Variants in SMLR1 observed in about 807,000 individuals in gnomAD.
The protein encoded by SMLR1 is small leucine-rich protein 1.
SMLR1 carries 3 observed loss-of-function variants against 6.1 expected under a neutral mutation model. The ratio of observed to expected loss-of-function variants is 0.49; its 90% CI spans 0.22 to 1.28. SMLR1 has a LOEUF of 1.28. Among genes scored for constraint, SMLR1 ranks in the 50% most tolerant of loss-of-function variants. SMLR1 has a pLI of 0.19. For missense variants in SMLR1, 126 were observed against 124.8 expected (o/e 1.01, Z -0.05); for synonymous variants, 55 against 53.6 (o/e 1.03, Z -0.11).
rs1295903834 is a variant in SMLR1 at position 130,835,208 on chromosome 6, T to C, written c.*253T>C. On this transcript the variant is annotated 3_prime_UTR_variant, in exon 2 of 2. Transcript: ENST00000541421. ...TCCTGGGTATATACACTGGACACAT[T>C]GTAACTTTTTAACTTTTATTGTGAC... 1 of 389,484 alleles carries C rather than the reference T, an allele frequency of 2.6e-6. No individual in the cohort carries two copies. The highest frequency in any genetic ancestry group is 4.7e-6 in the Non-Finnish European group (1 of 212,692). 24.1% of individuals were successfully genotyped at this position (389,484 alleles called of 1,614,324 possible).
rs1299682754 is a variant in SMLR1, at chr6:130,835,498, C to T, written c.*543C>T. ...ACCTGACTTTGCTTCTCTCCTTTTC[C>T]TGATTGCTTTCACAAATCATTATTG... On this transcript the variant is annotated 3_prime_UTR_variant, in exon 2 of 2. Coordinates refer to ENST00000541421, the MANE Select transcript of SMLR1 (RefSeq NM_001195597.2). The T allele has an allele frequency of 1.3e-5, 2 of 152,544 alleles. No homozygotes were observed. The highest frequency in any genetic ancestry group is 1.5e-5 in the Non-Finnish European group (1 of 68,330). 9.4% of individuals were successfully genotyped at this position (152,544 alleles called of 1,614,324 possible). A position where few individuals can be genotyped will look rare whatever the true frequency, so the allele number is the denominator to read the frequency against.
chr6:130,830,890 G>GC (rs1033639007), intron 1 of SMLR1, among the ~76,000 whole-genome samples: 14 of 152,016 alleles, frequency 9.2e-5, no homozygotes, highest in South Asian at 6.2e-4. Context: ...ATAAATAACC[G>GC]CCCCCCCGCG....
chr6:130,828,380 T>C (rs1248522612), intron 1 of SMLR1, among the ~76,000 whole-genome samples: 3 of 152,180 alleles, frequency 2.0e-5, no homozygotes, highest in Non-Finnish European at 4.4e-5. Flanking sequence ...ACACATGAGA[T>C]TAATATCATC....
Position 130,827,720 on chromosome 6 carries a change from T to A in SMLR1, c.238+69T>A, listed in dbSNP as rs1297462308. The A allele has an allele frequency of 8.6e-6, 10 of 1,165,038 alleles. No individual in the cohort carries two copies. In the East Asian group the frequency reaches 2.3e-4, roughly 27 times the overall value. 72.2% of individuals were successfully genotyped at this position (1,165,038 alleles called of 1,614,324 possible). On this transcript the variant is annotated intron_variant, in intron 1 of 1. Transcript: ENST00000541421. ...CACAGCACATCTTGAAATATACCGA[T>A]GCACTGTCAGTGTTTTCTGGCCAGG...
At chr6:130,834,655 G>A (rs976123158) in intron 1 of SMLR1, among the ~76,000 whole-genome samples, 1 of 152,096 alleles carries the variant, frequency 6.6e-6, no homozygotes, top group African/African-American at 2.4e-5. Flanking sequence ...GCTCTAACCA[G>A]GGCCATTCTT....
At chr6:130,831,865 T>C (rs1225724542) in intron 1 of SMLR1, among the ~76,000 whole-genome samples, 2 of 152,216 alleles carry the variant, frequency 1.3e-5, no homozygotes, top group African/African-American at 2.4e-5. Context: ...ATGGAAAGCA[T>C]GTGGAGGTAT....
In SMLR1 at chr6:130,835,729, C is replaced by A. The variant is rs146997363; in HGVS notation, c.*774C>A. The A allele has an allele frequency of 1.3e-5, 2 of 152,082 alleles. No individual in the cohort carries two copies. Among genetic ancestry groups the A allele is most frequent in the Admixed American group, 1.3e-4 (2 of 15,264 alleles). The allele number at this position is 152,082 out of a possible 1,614,324, so 9.4% of individuals were successfully genotyped here. The stretch of plus-strand genomic sequence containing the variant: ...ATACAGGGAGCTATATCTAACTATG[C>A]GGATAAGTCAACATTTCACTACAGT... On this transcript the variant is annotated 3_prime_UTR_variant, in exon 2 of 2. Coordinates refer to ENST00000541421, the MANE Select transcript of SMLR1 (RefSeq NM_001195597.2).
Position 130,836,713 on chromosome 6 carries a change from T to A in SMLR1, c.*1758T>A, listed in dbSNP as rs1233296151. The A allele has an allele frequency of 2.0e-5, 3 of 152,176 alleles. No individual in the cohort carries two copies. The highest frequency in any genetic ancestry group is 4.4e-5 in the Non-Finnish European group (3 of 68,028). The allele number at this position is 152,176 out of a possible 1,614,324, so 9.4% of individuals were successfully genotyped here. A position where few individuals can be genotyped will look rare whatever the true frequency, so the allele number is the denominator to read the frequency against. On this transcript the variant is annotated 3_prime_UTR_variant, in exon 2 of 2. Transcript: ENST00000541421. ...GGGCAGAAACATGTTCATTTTCCCA[T>A]GAAGGAACAAGTCCCAAGGGTTTAT... is the stretch of plus-strand genomic sequence containing the variant.
intron 1 of SMLR1, among the ~76,000 whole-genome samples, chr6:130,832,621 TAAG>T (rs1361420398): frequency 6.6e-6 from 1 of 152,246 alleles, no homozygotes; most frequent in African/African-American, 2.4e-5. Context: ...TTGAGAATTC[TAAG>T]AAGGCACTGT....
chr6:130,833,019 A>T (rs1175574637), intron 1 of SMLR1, among the ~76,000 whole-genome samples: 1 of 152,190 alleles, frequency 6.6e-6, no homozygotes, highest in African/African-American at 2.4e-5. Flanking sequence ...CTGGGAACTA[A>T]CAGGGCACAC....
At chr6:130,827,721 G>GC in intron 1 of SMLR1, 70 bp downstream of exon 1, 1 of 1,156,964 alleles carries the variant, frequency 8.6e-7, no homozygotes, top group East Asian at 2.6e-5. Flanking sequence ...ATATACCGAT[G>GC]CACTGTCAGT....
chr6:130,830,917 G>T (rs935741321), intron 1 of SMLR1, among the ~76,000 whole-genome samples: 1 of 151,978 alleles, frequency 6.6e-6, no homozygotes, highest in Non-Finnish European at 1.5e-5. Flanking sequence ...ATATAATCAA[G>T]AACTAACCAT....
rs1774634555 is a variant in SMLR1 at position 130,835,726 on chromosome 6, A to G, written c.*771A>G. The G allele has an allele frequency of 6.6e-6, 1 of 152,194 alleles. No individual in the cohort carries two copies. The highest frequency in any genetic ancestry group is 6.6e-5 in the Admixed American group (1 of 15,266). The allele number at this position is 152,194 out of a possible 1,614,324, so 9.4% of individuals were successfully genotyped here. ...AAAATACAGGGAGCTATATCTAACT[A>G]TGCGGATAAGTCAACATTTCACTAC... is the stretch of plus-strand genomic sequence containing the variant. On this transcript the variant is annotated 3_prime_UTR_variant, in exon 2 of 2. Transcript: ENST00000541421.
intron 1 of SMLR1, among the ~76,000 whole-genome samples, chr6:130,828,145 T>C (rs1774336753): frequency 6.6e-6 from 1 of 152,202 alleles, no homozygotes; most frequent in Admixed American, 6.5e-5. Context: ...ACAGTCTTTG[T>C]AAATGTAAAG....
At position 130,827,505 on chromosome 6, in the gene SMLR1, TGG is replaced by T; in HGVS notation, c.95_96del (p.Gly32ValfsTer47). 1 of 1,535,842 alleles carries T rather than the reference TGG, an allele frequency of 6.5e-7. No individual in the cohort carries two copies. Among genetic ancestry groups the T allele is most frequent in the Non-Finnish European group, 8.7e-7 (1 of 1,146,808 alleles). On this transcript the variant is annotated frameshift_variant, in exon 1 of 2. Coordinates refer to ENST00000541421, the MANE Select transcript of SMLR1 (RefSeq NM_001195597.2). LOFTEE classifies it high-confidence loss of function. ...CTGAGTGTGACTCCCATGGTCCCCG[TGG>T]GGTCTGTGTGGTTGGCAATGAGCTC...
Position 130,834,860 on chromosome 6 carries a change from T to C in SMLR1, c.239-10T>C, listed in dbSNP as rs1011774864. 1.1e-5 allele frequency: 17 copies of C among 1,533,046 alleles called. No individual in the cohort carries two copies. In the African/African-American group the frequency reaches 1.9e-4, roughly 17 times the overall value. The allele number at this position is 1,533,046 out of a possible 1,614,324, so 95.0% of individuals were successfully genotyped here. ...GTCTCCAAATTATTAACTAATATTT[T>C]TCCTTTCAGTTAATGAAGAACTGTC... On this transcript the variant is annotated splice_polypyrimidine_tract_variant and intron_variant, in intron 1 of 1. Coordinates refer to ENST00000541421, the MANE Select transcript of SMLR1 (RefSeq NM_001195597.2).
chr6:130,834,851 C>T lies in SMLR1; in HGVS notation c.239-19C>T, dbSNP rs1774597818. 1 of 1,528,954 alleles carries T rather than the reference C, an allele frequency of 6.5e-7. No homozygotes were observed. Among genetic ancestry groups the T allele is most frequent in the East Asian group, 2.4e-5 (1 of 40,876 alleles). 94.7% of individuals were successfully genotyped at this position (1,528,954 alleles called of 1,614,324 possible). On this transcript the variant is annotated intron_variant, in intron 1 of 1. Transcript: ENST00000541421. ...CACTCAGATGTCTCCAAATTATTAA[C>T]TAATATTTTTCCTTTCAGTTAATGA...
In SMLR1 at chr6:130,836,466, T is replaced by A. The variant is rs977163219; in HGVS notation, c.*1511T>A. 6.6e-6 allele frequency: 1 copy of A among 152,226 alleles called. No individual in the cohort carries two copies. The highest frequency in any genetic ancestry group is 1.5e-5 in the Non-Finnish European group (1 of 68,064). 9.4% of individuals were successfully genotyped at this position (152,226 alleles called of 1,614,324 possible). On this transcript the variant is annotated 3_prime_UTR_variant, in exon 2 of 2. Coordinates refer to ENST00000541421, the MANE Select transcript of SMLR1 (RefSeq NM_001195597.2). ...GCTATCAAGGTTTGCTCCATCTTCCTCCAATAATGGGCACTTCAGAAGGCC... is the reference window on the plus strand; with the variant it reads ...GCTATCAAGGTTTGCTCCATCTTCCACCAATAATGGGCACTTCAGAAGGCC...
intron 1 of SMLR1, among the ~76,000 whole-genome samples, chr6:130,829,430 T>C (rs1774374944): frequency 6.6e-6 from 1 of 152,182 alleles, no homozygotes. Flanking sequence ...TAGAATACCC[T>C]GGAAAAGTCA....
Sources: allele counts gnomAD v4.1 joint callset (sites outside exome capture counted in the v4.1 genomes callset), GRCh38; gene constraint gnomAD v4.1.1; transcripts MANE v1.5; gene names NCBI Gene and HGNC (gene_info 2026-07-23, HGNC 2026-07-21).